Variants in TPO observed in about 807,000 individuals in gnomAD.
TPO encodes thyroid microsomal antigen.
Under a neutral mutation model 96.9 loss-of-function variants are expected in TPO, and 78 were observed. The observed-to-expected ratio is 0.81, with a 90% CI of 0.67 to 0.97. The LOEUF is 0.97. TPO is among the 50% of genes least tolerant of loss of function. The pLI is 0.00. For synonymous variants in TPO, 547 were observed against 538.0 expected (o/e 1.02, Z -0.23); for missense variants, 1,252 against 1,274.8 (o/e 0.98, Z 0.27).
At chr2:1,532,479 C>T (rs1375610973) in intron 15 of TPO, among the ~76,000 whole-genome samples, 2 of 137,578 alleles carry the variant, frequency 1.5e-5, no homozygotes, top group Admixed American at 1.5e-4. Flanking sequence ...CTCAAATCCC[C>T]CCCACAGTGC....
At chr2:1,453,014 G>A (rs776455467) in intron 5 of TPO, among the ~76,000 whole-genome samples, 1 of 152,188 alleles carries the variant, frequency 6.6e-6, no homozygotes, top group Non-Finnish European at 1.5e-5. Context: ...CTACTTATGG[G>A]AAACTTCACC....
chr2:1,513,771 CATAGAT>C (rs535051881), intron 14 of TPO, among the ~76,000 whole-genome samples: 106 of 152,044 alleles, frequency 7.0e-4, no homozygotes, highest in Non-Finnish European at 1.0e-3. Flanking sequence ...AATATGTAGA[CATAGAT>C]ATAGTTATAC....
chr2:1,496,143 T>C lies in TPO; in HGVS notation c.2161T>C (p.Cys721Arg). 1.9e-6 allele frequency: 3 copies of C among 1,614,134 alleles called. No homozygotes were observed. Among genetic ancestry groups the C allele is most frequent in the Non-Finnish European group, 2.5e-6 (3 of 1,180,016 alleles). Residue 721 changes from cysteine to arginine, a missense_variant, in exon 12 of 17, where the codon TGT becomes CGT. By Grantham distance (180) the Cys-to-Arg change is radical. Transcript: ENST00000329066. ...VGKFPEDFES[C>R]DSITGMNLEA... ...CAAATTCCCCGAAGACTTTGAGTCT[T>C]GTGACAGCATCACTGGCATGAACCT... is the stretch of plus-strand genomic sequence containing the variant.
intron 1 of TPO, among the ~76,000 whole-genome samples, chr2:1,413,986 A>C (rs913582551): frequency 6.6e-6 from 1 of 152,236 alleles, no homozygotes; most frequent in East Asian, 1.9e-4. Context: ...GGTTTTATTT[A>C]TCACTTTTAT....
intron 2 of TPO, among the ~76,000 whole-genome samples, chr2:1,419,992 A>G (rs1663343291): frequency 6.6e-6 from 1 of 152,210 alleles, no homozygotes. Context: ...TAGTTAACCT[A>G]AACAATGAAA....
chr2:1,452,224 C>G (rs142118977), intron 5 of TPO, among the ~76,000 whole-genome samples: 1 of 152,094 alleles, frequency 6.6e-6, no homozygotes, highest in Non-Finnish European at 1.5e-5. Flanking sequence ...TTAATAAGCA[C>G]GGATCTATGA....
chr2:1,533,291 T>C (rs1427088512), intron 15 of TPO, among the ~76,000 whole-genome samples: 4 of 15,644 alleles, frequency 2.6e-4, no homozygotes, highest in Admixed American at 1.1e-3. Context: ...CTCTGCACAA[T>C]CTCCCCAAAT....
chr2:1,396,891 G>A (rs1662089944), intron 1 of TPO, among the ~76,000 whole-genome samples: 1 of 152,224 alleles, frequency 6.6e-6, no homozygotes, highest in Admixed American at 6.5e-5. Flanking sequence ...GCGTTAAATA[G>A]TTAATGCATT....
intron 7 of TPO, among the ~76,000 whole-genome samples, chr2:1,476,024 G>C (rs984892257): frequency 2.0e-5 from 3 of 152,228 alleles, no homozygotes; most frequent in Non-Finnish European, 1.5e-5. Flanking sequence ...GGCACCGAGC[G>C]GCCAACCCCT....
intron 7 of TPO, among the ~76,000 whole-genome samples, chr2:1,466,316 A>G (rs1668891954): frequency 6.6e-6 from 1 of 152,148 alleles, no homozygotes; most frequent in Non-Finnish European, 1.5e-5. Flanking sequence ...GGATTTTAGC[A>G]TCTATGTTCA....
At chr2:1,537,898 ACCACTCTGTGCAACCTGCCCAATTTCCC>A (rs1173396529) in intron 15 of TPO, among the ~76,000 whole-genome samples, 9 of 53,532 alleles carry the variant, frequency 1.7e-4, no homozygotes, top group African/African-American at 5.8e-4. Context: ...TCAAATCCCC[ACCACTCTGTGCAACCTGCCCAATTTCCC>A]CCACTCTGCA....
chr2:1,425,003 T>A (rs113392652), intron 3 of TPO, among the ~76,000 whole-genome samples: 723 of 36,626 alleles, frequency 0.02, 5 homozygotes, highest in East Asian at 0.025. Context: ...GAGATGAGTT[T>A]GATCATTTCA....
chr2:1,444,172 A>T (rs1411392664), intron 5 of TPO, among the ~76,000 whole-genome samples: 7 of 116,294 alleles, frequency 6.0e-5, no homozygotes, highest in Admixed American at 8.5e-5. Flanking sequence ...GGAATGGGGC[A>T]GGCTCCTTCT....
At chr2:1,503,800 G>A (rs759741097) in intron 13 of TPO, 148 bp from the exon 14 acceptor site, 4 of 1,450,192 alleles carry the variant, frequency 2.8e-6, no homozygotes, top group Non-Finnish European at 2.9e-6. Context: ...CCGGGAGCAG[G>A]GGGCGGCCGG....
intron 8 of TPO, among the ~76,000 whole-genome samples, chr2:1,479,735 G>GCTC (rs1670353377): frequency 6.6e-6 from 1 of 152,044 alleles, no homozygotes; most frequent in African/African-American, 2.4e-5. Context: ...GGCTGCTGCT[G>GCTC]CTCCTCCTTG....
chr2:1,483,974 T>A (rs1256607142), intron 8 of TPO, among the ~76,000 whole-genome samples: 1 of 152,206 alleles, frequency 6.6e-6, no homozygotes, highest in Non-Finnish European at 1.5e-5. Context: ...ATTATTCCTA[T>A]TATGCTTCAT....
chr2:1,380,133 G>A (rs1265929044), intron 1 of TPO, among the ~76,000 whole-genome samples: 2 of 152,078 alleles, frequency 1.3e-5, no homozygotes, highest in African/African-American at 2.4e-5. Flanking sequence ...GGTGGCTCAC[G>A]CCTGTAATCC....
intron 7 of TPO, among the ~76,000 whole-genome samples, chr2:1,472,827 CAAAAAAAAA>C (rs34064729): frequency 2.9e-4 from 14 of 48,336 alleles, no homozygotes; most frequent in South Asian, 1.3e-3. Context: ...TGTTTGGCGG[CAAAAAAAAA>C]AAAAAAAAAA....
chr2:1,451,112 G>A (rs13418129), intron 5 of TPO, among the ~76,000 whole-genome samples: 58,861 of 151,928 alleles, frequency 0.39, 11,545 homozygotes, highest in South Asian at 0.48. Context: ...TGAGGTAGCA[G>A]CTGGTGCACA....
Sources: allele counts gnomAD v4.1 joint callset (sites outside exome capture counted in the v4.1 genomes callset), GRCh38; gene constraint gnomAD v4.1.1; transcripts MANE v1.5; gene names NCBI Gene and HGNC (gene_info 2026-07-23, HGNC 2026-07-21).